TRPS1: variants seen among roughly 807,000 people sequenced by gnomAD.
TRPS1 encodes transcriptional repressor GATA binding 1.
TRPS1 carries 6 observed loss-of-function variants against 101.2 expected under a neutral mutation model. That is an observed-to-expected ratio of 0.06 (90% CI 0.03 to 0.12). The LOEUF (loss-of-function observed/expected upper bound fraction) is 0.12. Among genes scored for constraint, TRPS1 ranks in the 10% least tolerant of loss-of-function variants. The pLI, the probability that TRPS1 is intolerant of heterozygous loss-of-function variation, is 1.00. For missense variants in TRPS1, 1,363 were observed against 1,567.0 expected (o/e 0.87, Z 2.20); for synonymous variants, 578 against 589.8 (o/e 0.98, Z 0.29).
At chr8:115,456,884 A>G (rs112011939) in intron 5 of TRPS1, among the ~76,000 whole-genome samples, 2,072 of 152,172 alleles carry the variant, frequency 0.014, 46 homozygotes, top group African/African-American at 0.047. Flanking sequence ...TATAAAATAT[A>G]TAGAAATATA....
chr8:115,598,804 T>C (rs561895367), intron 4 of TRPS1, among the ~76,000 whole-genome samples: 1 of 152,344 alleles, frequency 6.6e-6, no homozygotes, highest in South Asian at 2.1e-4. Flanking sequence ...TTCCTCCAGT[T>C]TCCATTGTTG....
chr8:115,426,762 G>T (rs1227139430), intron 5 of TRPS1, among the ~76,000 whole-genome samples: 1 of 152,134 alleles, frequency 6.6e-6, no homozygotes, highest in Non-Finnish European at 1.5e-5. Context: ...TGTATCCAAA[G>T]ATTTCCTGTG....
intron 5 of TRPS1, among the ~76,000 whole-genome samples, chr8:115,466,412 T>C (rs1224521504): frequency 3.3e-5 from 5 of 152,178 alleles, no homozygotes; most frequent in Non-Finnish European, 7.4e-5. Flanking sequence ...AAGTGCTTTA[T>C]TTCCTTTCCC....
chr8:115,587,444 G>T lies in TRPS1; in HGVS notation c.2257C>A (p.Pro753Thr), dbSNP rs1817589993. Residue 753 changes from proline to threonine, a missense_variant, in exon 5 of 7, where the codon CCC (proline) becomes ACC (threonine). Pro to Thr is a conservative substitution (Grantham distance 38, BLOSUM62 -1). Coordinates refer to ENST00000395715, the MANE Select transcript of TRPS1 (RefSeq NM_014112.5). ...TTGTAGACCCTGAAGTCAATTTTGGGCTCCTCTTTGATGGTGGATATGGCA... is the reference window on the plus strand; with the variant it reads ...TTGTAGACCCTGAAGTCAATTTTGGTCTCCTCTTTGATGGTGGATATGGCA... Reference protein sequence around the residue: ...GHAISTIKEEPKIDFRVYNLL... With the variant: ...GHAISTIKEETKIDFRVYNLL... 5 of 1,614,130 alleles carry T rather than the reference G, an allele frequency of 3.1e-6. No individual in the cohort carries two copies. In the African/African-American group the frequency reaches 5.3e-5, roughly 17 times the overall value.
intron 5 of TRPS1, among the ~76,000 whole-genome samples, chr8:115,504,095 T>C (rs2130158896): frequency 6.6e-6 from 1 of 152,340 alleles, no homozygotes; most frequent in South Asian, 2.1e-4. Context: ...TCCCTAAACC[T>C]TCTCATTTCC....
intron 1 of TRPS1, among the ~76,000 whole-genome samples, chr8:115,657,229 A>T (rs1586501744): frequency 6.6e-6 from 1 of 152,110 alleles, no homozygotes; most frequent in East Asian, 1.9e-4. Flanking sequence ...TAGACATGAA[A>T]GATAGAACTA....
intron 5 of TRPS1, among the ~76,000 whole-genome samples, chr8:115,460,219 T>A (rs1814133035): frequency 6.6e-6 from 1 of 152,094 alleles, no homozygotes. Flanking sequence ...CACAATCACC[T>A]GCTCAGTAAA....
At chr8:115,610,397 AC>A (rs1018115989) in intron 3 of TRPS1, among the ~76,000 whole-genome samples, 2 of 152,222 alleles carry the variant, frequency 1.3e-5, no homozygotes, top group African/African-American at 4.8e-5. Context: ...CTTCAAAAAA[AC>A]ATTCTAGAAT....
chr8:115,586,861 C>A, intron 5 of TRPS1, 140 bp downstream of exon 5: 1 of 1,464,152 alleles, frequency 6.8e-7, no homozygotes, highest in Non-Finnish European at 9.3e-7. Flanking sequence ...GCCACTTTGG[C>A]CTTAGGAGTA....
intron 5 of TRPS1, among the ~76,000 whole-genome samples, chr8:115,525,428 C>T (rs142027440): frequency 3.3e-5 from 5 of 151,996 alleles, no homozygotes; most frequent in African/African-American, 4.8e-5. Context: ...TGTTGTGGAA[C>T]GTTCATAAGT....
intron 5 of TRPS1, among the ~76,000 whole-genome samples, chr8:115,561,717 G>A (rs1037008115): frequency 6.6e-6 from 1 of 151,920 alleles, no homozygotes; most frequent in Non-Finnish European, 1.5e-5. Flanking sequence ...CTCCAGTCAT[G>A]CACAGCTACG....
chr8:115,431,742 A>G (rs1813323669), intron 5 of TRPS1, among the ~76,000 whole-genome samples: 1 of 151,880 alleles, frequency 6.6e-6, no homozygotes, highest in Middle Eastern at 3.2e-3. Context: ...CATAGATTAC[A>G]CGCACAAAAT....
At chr8:115,550,600 A>C (rs1014233794) in intron 5 of TRPS1, among the ~76,000 whole-genome samples, 1 of 152,218 alleles carries the variant, frequency 6.6e-6, no homozygotes, top group African/African-American at 2.4e-5. Context: ...GCTACTTTGC[A>C]AAGTAGTGAC....
In TRPS1 at chr8:115,535,267, T is replaced by TATATAGC. The variant is rs1563582972; in HGVS notation, c.2700+51733_2700+51734insGCTATAT. Among the ~76,000 whole-genome samples the TATATAGC allele has an allele frequency of 9.0e-4, 129 of 142,790 alleles. 11 individuals carry two copies. The highest frequency in any genetic ancestry group is 3.2e-3 in the African/African-American group (122 of 38,572). 93.7% of individuals were successfully genotyped at this position (142,790 alleles called of 152,430 possible). ...TAGCATATATAGCATATATATAGCA[T>TATATAGC]ATATATAGCATATATAGCATATATA... On this transcript the variant is annotated intron_variant, in intron 5 of 6. Coordinates refer to ENST00000395715, the MANE Select transcript of TRPS1 (RefSeq NM_014112.5).
intron 1 of TRPS1, among the ~76,000 whole-genome samples, chr8:115,660,075 T>C (rs1379202365): frequency 6.6e-6 from 1 of 151,976 alleles, no homozygotes; most frequent in Non-Finnish European, 1.5e-5. Context: ...AGATTAGTAA[T>C]GCTTGATCCC....
chr8:115,419,321 G>C (rs1812996029), intron 5 of TRPS1, among the ~76,000 whole-genome samples: 1 of 151,506 alleles, frequency 6.6e-6, no homozygotes, highest in African/African-American at 2.4e-5. Flanking sequence ...CAAAAGTCAG[G>C]CTGTGTTTGT....
intron 5 of TRPS1, among the ~76,000 whole-genome samples, chr8:115,455,755 T>TTTTCTTTC (rs35585069): frequency 5.4e-4 from 75 of 139,332 alleles, no homozygotes; most frequent in South Asian, 2.5e-3. Flanking sequence ...GCTTTTTTCT[T>TTTTCTTTC]TTTCTTTCTT....
chr8:115,562,724 T>C (rs1816974234), intron 5 of TRPS1, among the ~76,000 whole-genome samples: 1 of 151,948 alleles, frequency 6.6e-6, no homozygotes, highest in Non-Finnish European at 1.5e-5. Flanking sequence ...CCAAACAATA[T>C]AGTGTACTTA....
intron 5 of TRPS1, among the ~76,000 whole-genome samples, chr8:115,424,914 T>G (rs1813151633): frequency 6.6e-6 from 1 of 152,192 alleles, no homozygotes; most frequent in Non-Finnish European, 1.5e-5. Context: ...TTTATTCTTA[T>G]CTCTATCATG....
Sources: allele counts gnomAD v4.1 joint callset (sites outside exome capture counted in the v4.1 genomes callset), GRCh38; gene constraint gnomAD v4.1.1; transcripts MANE v1.5; gene names NCBI Gene and HGNC (gene_info 2026-07-23, HGNC 2026-07-21).